Variants in SLC24A2 observed in about 807,000 individuals in gnomAD.
The protein encoded by SLC24A2 is solute carrier family 24 member 2, also known as sodium/potassium/calcium exchanger 2.
In SLC24A2, 36 loss-of-function variants were observed where a neutral mutation model predicts 62.0. That is an observed-to-expected ratio of 0.58 (90% CI 0.44 to 0.77). The LOEUF (loss-of-function observed/expected upper bound fraction) is 0.77. Ranked by LOEUF, SLC24A2 falls within the 30% of genes least tolerant of loss-of-function variation. The pLI is 0.00. For missense variants in SLC24A2, 846 were observed against 817.9 expected (o/e 1.03, Z -0.42); for synonymous variants, 358 against 294.0 (o/e 1.22, Z -2.23).
the SLC24A2 span, among the ~76,000 whole-genome samples, chr9:20,252,107 C>T: frequency 6.6e-6 from 1 of 152,120 alleles, no homozygotes; most frequent in African/African-American, 2.4e-5. Flanking sequence ...GGAGGCCAGC[C>T]ACAAAGACTA....
the SLC24A2 span, among the ~76,000 whole-genome samples, chr9:19,881,956 A>C: frequency 6.6e-6 from 1 of 152,212 alleles, no homozygotes; most frequent in East Asian, 1.9e-4. Context: ...CACAAATGTC[A>C]TTTTTAATAA....
chr9:19,969,823 A>G, the SLC24A2 span, among the ~76,000 whole-genome samples: 1 of 152,222 alleles, frequency 6.6e-6, no homozygotes, highest in Non-Finnish European at 1.5e-5. Flanking sequence ...TGAGTCAAAC[A>G]AAATCCAATT....
chr9:19,620,323 G>C (rs1817878314), intron 3 of SLC24A2, among the ~76,000 whole-genome samples: 2 of 152,168 alleles, frequency 1.3e-5, no homozygotes, highest in Non-Finnish European at 2.9e-5. Context: ...TTTTCTCCTT[G>C]CTTCCCAGAG....
chr9:20,206,888 G>GGT, the SLC24A2 span, among the ~76,000 whole-genome samples: 2 of 150,276 alleles, frequency 1.3e-5, no homozygotes, highest in East Asian at 3.9e-4. Flanking sequence ...AGTTGGGGGG[G>GGT]GCGGTTACGG....
At chr9:20,030,201 T>C in the SLC24A2 span, among the ~76,000 whole-genome samples, 2 of 152,192 alleles carry the variant, frequency 1.3e-5, no homozygotes, top group Non-Finnish European at 2.9e-5. Flanking sequence ...GACTTGGCAA[T>C]GGAGCAGAGG....
At chr9:19,565,714 ATAC>A (rs1454739904) in intron 7 of SLC24A2, among the ~76,000 whole-genome samples, 8 of 152,218 alleles carry the variant, frequency 5.3e-5, no homozygotes, top group Non-Finnish European at 1.0e-4. Flanking sequence ...ACTTCAAACT[ATAC>A]TACAAGGCTA....
chr9:20,239,538 C>T, the SLC24A2 span, among the ~76,000 whole-genome samples: 1 of 152,042 alleles, frequency 6.6e-6, no homozygotes, highest in African/African-American at 2.4e-5. Flanking sequence ...GGGGAGGGGC[C>T]CTCTTAGGCT....
At chr9:20,167,272 G>T in the SLC24A2 span, among the ~76,000 whole-genome samples, 1 of 151,796 alleles carries the variant, frequency 6.6e-6, no homozygotes, top group Non-Finnish European at 1.5e-5. Flanking sequence ...TCATACATTT[G>T]TTTTTATAAT....
chr9:19,570,045 A>T (rs568396573), intron 7 of SLC24A2, among the ~76,000 whole-genome samples: 1 of 152,330 alleles, frequency 6.6e-6, no homozygotes, highest in African/African-American at 2.4e-5. Context: ...ATGTATAATC[A>T]TGTTGGGTTG....
the SLC24A2 span, among the ~76,000 whole-genome samples, chr9:19,881,834 G>A: frequency 1.3e-5 from 2 of 152,152 alleles, no homozygotes; most frequent in Non-Finnish European, 2.9e-5. Context: ...ATGGAACTTG[G>A]GAAGTGGTTG....
At chr9:19,875,894 A>G in the SLC24A2 span, among the ~76,000 whole-genome samples, 1 of 152,214 alleles carries the variant, frequency 6.6e-6, no homozygotes, top group Non-Finnish European at 1.5e-5. Context: ...TCCAAGGCAC[A>G]TGGATTAACC....
At chr9:19,559,303 C>A (rs538560640) in intron 7 of SLC24A2, among the ~76,000 whole-genome samples, 2 of 152,248 alleles carry the variant, frequency 1.3e-5, no homozygotes, top group South Asian at 2.1e-4. Context: ...TATCCACTTA[C>A]CCAATATTTA....
At chr9:20,034,856 A>C in the SLC24A2 span, among the ~76,000 whole-genome samples, 1 of 152,220 alleles carries the variant, frequency 6.6e-6, no homozygotes, top group African/African-American at 2.4e-5. Flanking sequence ...CAATAGGAAA[A>C]AAAGATTCCA....
chr9:19,515,236 A>G lies in SLC24A2; in HGVS notation c.*917T>C, dbSNP rs989292057. 1.3e-5 allele frequency: 2 copies of G among 152,120 alleles called. No individual in the cohort carries two copies. Among genetic ancestry groups the G allele is most frequent in the Non-Finnish European group, 2.9e-5 (2 of 68,024 alleles). The allele number at this position is 152,120 out of a possible 1,614,324, so 9.4% of individuals were successfully genotyped here. On this transcript the variant is annotated 3_prime_UTR_variant, in exon 11 of 11. Transcript: ENST00000341998. ...ATATTTTCTACTTGCATGCTGGGAC[A>G]ATATAAGAACAAAACAAAACAACCC...
chr9:19,583,535 G>T (rs759639936), intron 5 of SLC24A2, among the ~76,000 whole-genome samples: 7 of 152,148 alleles, frequency 4.6e-5, no homozygotes, highest in Non-Finnish European at 8.8e-5. Context: ...GTATCAGATT[G>T]GGTGCAACAA....
chr9:19,636,385 T>TCC (rs1564010039), intron 2 of SLC24A2, among the ~76,000 whole-genome samples: 10 of 25,380 alleles, frequency 3.9e-4, no homozygotes, highest in African/African-American at 9.8e-4. Flanking sequence ...CTTTCTTTCT[T>TCC]TCTCCCTCTC....
At chr9:19,825,096 T>G in the SLC24A2 span, among the ~76,000 whole-genome samples, 1 of 152,102 alleles carries the variant, frequency 6.6e-6, no homozygotes, top group Non-Finnish European at 1.5e-5. Flanking sequence ...GATGATGGAT[T>G]GATAGGTGCA....
At chr9:19,824,992 G>A in the SLC24A2 span, among the ~76,000 whole-genome samples, 6 of 152,252 alleles carry the variant, frequency 3.9e-5, no homozygotes, top group South Asian at 1.2e-3. Flanking sequence ...GACACAGGGA[G>A]GGGAACATCA....
At chr9:20,120,051 C>T in the SLC24A2 span, among the ~76,000 whole-genome samples, 1 of 152,142 alleles carries the variant, frequency 6.6e-6, no homozygotes, top group Non-Finnish European at 1.5e-5. Context: ...CTAGAAACCA[C>T]CCACATTTTC....
Sources: allele counts gnomAD v4.1 joint callset (sites outside exome capture counted in the v4.1 genomes callset), GRCh38; gene constraint gnomAD v4.1.1; transcripts MANE v1.5; gene names NCBI Gene and HGNC (gene_info 2026-07-23, HGNC 2026-07-21).